Variants in PDE3A observed in about 807,000 individuals in gnomAD.
PDE3A encodes phosphodiesterase 3A, also known as cGMP-inhibited 3',5'-cyclic phosphodiesterase 3A.
In PDE3A, 43 loss-of-function variants were observed where a neutral mutation model predicts 98.3. The observed-to-expected ratio is 0.44, with a 90% CI of 0.34 to 0.56. PDE3A has a LOEUF of 0.56. Ranked by LOEUF, PDE3A falls within the 20% of genes least tolerant of loss-of-function variation. The probability of loss-of-function intolerance (pLI) is 0.01; values close to 1 mark genes in which losing one functional copy is unlikely to be tolerated. For synonymous variants in PDE3A, 663 were observed against 567.9 expected (o/e 1.17, Z -2.38); for missense variants, 1,427 against 1,440.7 (o/e 0.99, Z 0.15).
rs765267969 is a variant in PDE3A, at chr12:20,613,658, C to G, written c.1227C>G (p.Asp409Glu). ...TSLSENYTCS[D>E]SEESSEKDKL... is the part of the protein sequence containing the mutation. Reference sequence around the variant, plus strand: ...TCAGTGAAAACTATACCTGTTCTGACTCTGAAGAGAGCTCTGAAAAAGACA... The same window carrying G: ...TCAGTGAAAACTATACCTGTTCTGAGTCTGAAGAGAGCTCTGAAAAAGACA... The change falls in exon 3 of 16, where the codon GAC becomes GAG. Residue 409 changes from aspartate (D) to glutamate (E), a missense_variant. By Grantham distance (45) the Asp-to-Glu change is conservative. Transcript: ENST00000359062. 1 of 1,613,566 alleles carries G rather than the reference C, an allele frequency of 6.2e-7. No homozygotes were observed. The highest frequency in any genetic ancestry group is 2.2e-5 in the East Asian group (1 of 44,862).
At chr12:20,370,405 TTTTGTTTTTTTTTTTTTG>T in intron 1 of PDE3A, 161 bp downstream of exon 1, 2 of 475,188 alleles carry the variant, frequency 4.2e-6, no homozygotes, top group Non-Finnish European at 6.8e-6. Context: ...TTTTTGTTTT[TTTTGTTTTTTTTTTTTTG>T]TTTTTTTGCC....
At chr12:20,607,135 G>GTTGT (rs1191386215) in intron 2 of PDE3A, among the ~76,000 whole-genome samples, 1 of 151,920 alleles carries the variant, frequency 6.6e-6, no homozygotes, top group Non-Finnish European at 1.5e-5. Context: ...GGAAAAGGAA[G>GTTGT]TTGTTTAAAA....
At chr12:20,404,909 C>T (rs1412257261) in intron 1 of PDE3A, among the ~76,000 whole-genome samples, 1 of 138,384 alleles carries the variant, frequency 7.2e-6, no homozygotes, top group Non-Finnish European at 1.5e-5. Context: ...TGGCTGATAC[C>T]TGACAAAGGA....
At chr12:20,411,352 A>T (rs10734701) in intron 1 of PDE3A, among the ~76,000 whole-genome samples, 105,733 of 152,004 alleles carry the variant, frequency 0.7, 37,642 homozygotes, top group East Asian at 0.98. Context: ...TCTGTCCCTA[A>T]GAATTTGACT....
chr12:20,545,560 A>G (rs1047469310), intron 1 of PDE3A, among the ~76,000 whole-genome samples: 2 of 152,086 alleles, frequency 1.3e-5, no homozygotes, highest in African/African-American at 4.8e-5. Context: ...GATTTTTTAA[A>G]GGAGGGTCAA....
chr12:20,405,304 C>T (rs1261985848), intron 1 of PDE3A, among the ~76,000 whole-genome samples: 1 of 152,116 alleles, frequency 6.6e-6, no homozygotes, highest in East Asian at 1.9e-4. Flanking sequence ...CAGTCGCTAC[C>T]TCCTGTTTTC....
In PDE3A at chr12:20,552,146, G is replaced by C. The variant is rs1182463537; in HGVS notation, c.961-4514G>C. 6.2e-7 allele frequency: 1 copy of C among 1,613,598 alleles called. No individual in the cohort carries two copies. Among genetic ancestry groups the C allele is most frequent in the Non-Finnish European group, 8.5e-7 (1 of 1,179,914 alleles). On this transcript the variant is annotated intron_variant, in intron 1 of 15. Coordinates refer to ENST00000359062, the MANE Select transcript of PDE3A (RefSeq NM_000921.5). This position sits in a 1 kb window ranked among gnomAD's most constrained non-coding sequence, Gnocchi z 5.1. Reference sequence around the variant, plus strand: ...GATCAGAAACTCACCAACACCAACAGGGCGCTGGCTCTCAACTGCTTTGCT... The same window carrying C: ...GATCAGAAACTCACCAACACCAACACGGCGCTGGCTCTCAACTGCTTTGCT...
chr12:20,515,807 A>G (rs1051979333), intron 1 of PDE3A, among the ~76,000 whole-genome samples: 8 of 149,846 alleles, frequency 5.3e-5, no homozygotes, highest in South Asian at 2.1e-4. Context: ...ATCTCGGCTC[A>G]CTGCAAGCTC....
intron 1 of PDE3A, among the ~76,000 whole-genome samples, chr12:20,471,213 T>C (rs56050603): frequency 0.17 from 25,400 of 152,154 alleles, 2,399 homozygotes; most frequent in East Asian, 0.29. Context: ...AGAATCTCCA[T>C]ACGATTTTGT....
chr12:20,627,344 C>CT (rs1379495730), intron 5 of PDE3A, among the ~76,000 whole-genome samples: 2 of 152,052 alleles, frequency 1.3e-5, no homozygotes, highest in African/African-American at 4.8e-5. Flanking sequence ...CCTAATAAAA[C>CT]TTTGCCCTGG....
intron 15 of PDE3A, among the ~76,000 whole-genome samples, chr12:20,675,315 CTT>C (rs773970343): frequency 5.4e-4 from 82 of 152,200 alleles, no homozygotes; most frequent in Non-Finnish European, 1.0e-3. Context: ...TGTTTTGAGA[CTT>C]ATTTTGTATC....
At position 20,462,021 on chromosome 12, in the gene PDE3A, G is replaced by C. The variant is rs950723539; in HGVS notation, c.960+91777G>C. ...CTTTCCTGCTGCATGTCTCACTTTGGGTGCTACTTAGATGTAGATAGAGTT... is the reference window on the plus strand; with the variant it reads ...CTTTCCTGCTGCATGTCTCACTTTGCGTGCTACTTAGATGTAGATAGAGTT... On this transcript the variant is annotated intron_variant, in intron 1 of 15. Coordinates refer to ENST00000359062, the MANE Select transcript of PDE3A (RefSeq NM_000921.5). Among the ~76,000 whole-genome samples, 21 of 152,080 alleles carry C rather than the reference G, an allele frequency of 1.4e-4. 1 individual carries two copies. The highest frequency in any genetic ancestry group is 4.6e-4 in the African/African-American group (19 of 41,426).
intron 14 of PDE3A, 86 bp from the exon 15 acceptor site, chr12:20,653,861 G>A (rs1944978428): frequency 7.2e-7 from 1 of 1,388,616 alleles, no homozygotes; most frequent in Non-Finnish European, 1.0e-6. Flanking sequence ...AAGTAAAGAA[G>A]TTTGTGCATT....
chr12:20,392,903 A>T (rs981706722), intron 1 of PDE3A, among the ~76,000 whole-genome samples: 3 of 152,006 alleles, frequency 2.0e-5, no homozygotes, highest in African/African-American at 7.2e-5. Context: ...GTTCTCACTT[A>T]TATGTGGGAG....
chr12:20,613,343 T>C, intron 2 of PDE3A, 100 bp from the exon 3 acceptor site: 1 of 1,069,158 alleles, frequency 9.4e-7, no homozygotes, highest in South Asian at 1.4e-5. Flanking sequence ...TCCTAAAGAA[T>C]CAGCCCAATT....
intron 1 of PDE3A, among the ~76,000 whole-genome samples, chr12:20,450,797 T>C (rs966454034): frequency 1.3e-5 from 2 of 152,218 alleles, no homozygotes; most frequent in African/African-American, 4.8e-5. Flanking sequence ...CAAATGAAGA[T>C]GCATGTCAGA....
intron 1 of PDE3A, among the ~76,000 whole-genome samples, chr12:20,381,582 G>A (rs569389487): frequency 6.6e-6 from 1 of 151,792 alleles, no homozygotes; most frequent in Non-Finnish European, 1.5e-5. Context: ...CTCAGGGGAC[G>A]ATGGTCTGTG....
At chr12:20,609,388 A>G (rs1186144188) in intron 2 of PDE3A, among the ~76,000 whole-genome samples, 5 of 152,078 alleles carry the variant, frequency 3.3e-5, no homozygotes, top group Non-Finnish European at 7.4e-5. Context: ...TGAAAATTAT[A>G]AAACACTGAT....
intron 4 of PDE3A, 84 bp from the exon 5 acceptor site, chr12:20,621,212 G>T (rs1022081620): frequency 5.4e-6 from 4 of 745,058 alleles, no homozygotes; most frequent in Non-Finnish European, 9.4e-6. Flanking sequence ...GAGAAATGAT[G>T]GTTGGGTTCT....
Sources: gnomAD v4.1 joint callset for allele counts (sites outside exome capture counted in the v4.1 genomes callset) on GRCh38, gnomAD v4.1.1 for gene constraint, Gnocchi (gnomAD v3.1) non-coding constraint, MANE v1.5 for transcripts, NCBI Gene and HGNC (gene_info 2026-07-23, HGNC 2026-07-21) for gene names.